Variants in SP7 observed in about 807,000 individuals in gnomAD.
SP7 encodes the protein Sp7 transcription factor, also known as transcription factor Sp7.
Under a neutral mutation model 27.9 loss-of-function variants are expected in SP7, and 13 were observed. The ratio of observed to expected loss-of-function variants is 0.47; its 90% CI spans 0.30 to 0.74. The LOEUF (loss-of-function observed/expected upper bound fraction) is 0.74, where lower values mean the gene tolerates loss of function less well. Ranked by LOEUF, SP7 falls within the 30% of genes least tolerant of loss-of-function variation. The probability of loss-of-function intolerance (pLI) is 0.06; values close to 1 mark genes in which losing one functional copy is unlikely to be tolerated. For synonymous variants in SP7, 219 were observed against 226.7 expected (o/e 0.97, Z 0.31); for missense variants, 525 against 558.0 (o/e 0.94, Z 0.60).
chr12:53,331,517 A>C (rs1592532873), intron 2 of SP7, among the ~76,000 whole-genome samples: 1 of 149,194 alleles, frequency 6.7e-6, no homozygotes, highest in Admixed American at 6.7e-5. Flanking sequence ...CTTAATGCCC[A>C]CCATGCTGCT....
chr12:53,339,466 C>T (rs887430525), upstream of SP7, among the ~76,000 whole-genome samples: 10 of 148,198 alleles, frequency 6.7e-5, no homozygotes, highest in Admixed American at 3.4e-4. Flanking sequence ...TGGCTCACGC[C>T]GGTAATCCCA....
chr12:53,338,134 G>A (rs1455470327), upstream of SP7, among the ~76,000 whole-genome samples: 1 of 150,130 alleles, frequency 6.7e-6, no homozygotes, highest in Non-Finnish European at 1.5e-5. Flanking sequence ...AGGAGGAGGA[G>A]GAGGGTTGTG....
rs1944632238 is a variant in SP7 at position 53,326,644 on chromosome 12, C to A, written c.*1502G>T. On this transcript the variant is annotated 3_prime_UTR_variant, in exon 3 of 3. Transcript: ENST00000536324. ...CACAAAGGGCATGATCCCTTCCATTCCACAATGTTCTCTCCCCAAGCTCCA... is the reference window on the plus strand; with the variant it reads ...CACAAAGGGCATGATCCCTTCCATTACACAATGTTCTCTCCCCAAGCTCCA... 1 of 152,346 alleles carries A rather than the reference C, an allele frequency of 6.6e-6. No individual in the cohort carries two copies. The highest frequency in any genetic ancestry group is 2.1e-4 in the South Asian group (1 of 4,828). The allele number at this position is 152,346 out of a possible 1,614,324, so 9.4% of individuals were successfully genotyped here.
At chr12:53,330,759 G>A (rs189111634) in intron 2 of SP7, among the ~76,000 whole-genome samples, 2 of 152,260 alleles carry the variant, frequency 1.3e-5, no homozygotes, top group African/African-American at 2.4e-5. Flanking sequence ...ATTTCCTGTC[G>A]CTGCTTCAGC....
chr12:53,336,002 C>T, intron 1 of SP7, 144 bp downstream of exon 1: 1 of 309,928 alleles, frequency 3.2e-6, no homozygotes, highest in East Asian at 6.4e-5. Context: ...GAGGGGAGAG[C>T]AGCATGGGCA....
chr12:53,332,204 A>G (rs1018642643), intron 2 of SP7, among the ~76,000 whole-genome samples: 5 of 152,204 alleles, frequency 3.3e-5, no homozygotes, highest in African/African-American at 1.2e-4. Context: ...GCAGATACCC[A>G]GAGATATGGG....
At chr12:53,342,462 C>T (rs1470426395) in intron 1 of SP7, among the ~76,000 whole-genome samples, 1 of 152,170 alleles carries the variant, frequency 6.6e-6, no homozygotes, top group East Asian at 1.9e-4. Flanking sequence ...CAGACTCATC[C>T]CTTCACCTCA....
At position 53,329,409 on chromosome 12, in the gene SP7, G is replaced by A. The variant is rs777343833; in HGVS notation, c.33C>T (p.His11=). ...GCATGGCCAGGGGACTGGAGCCATA[G>A]TGAACTTCCTCCTGTGGAAAGAGGG... MASSLLEEEV[H]YGSSPLAMLT... The change falls in exon 3 of 3, where the codon CAC becomes CAT. Residue 11 remains histidine (H), a synonymous_variant. Coordinates refer to ENST00000536324, the MANE Select transcript of SP7 (RefSeq NM_001173467.3). The A allele has an allele frequency of 6.2e-7, 1 of 1,613,838 alleles. No homozygotes were observed. Among genetic ancestry groups the A allele is most frequent in the Non-Finnish European group, 8.5e-7 (1 of 1,179,734 alleles).
intron 1 of SP7, among the ~76,000 whole-genome samples, chr12:53,343,778 G>T (rs1328069469): frequency 6.6e-6 from 1 of 152,112 alleles, no homozygotes; most frequent in Non-Finnish European, 1.5e-5. Flanking sequence ...GAGGGGGCCA[G>T]CACGGTGGCA....
intron 2 of SP7, among the ~76,000 whole-genome samples, chr12:53,333,269 G>A (rs1461278653): frequency 6.6e-6 from 1 of 152,180 alleles, no homozygotes; most frequent in Non-Finnish European, 1.5e-5. Context: ...CTGATCAAAT[G>A]TGTTCCCTTT....
chr12:53,335,686 G>A lies in SP7; in HGVS notation c.-40C>T. The A allele has an allele frequency of 2.1e-6, 3 of 1,453,574 alleles. No homozygotes were observed. Among genetic ancestry groups the A allele is most frequent in the South Asian group, 2.5e-5 (2 of 80,448 alleles). 90.0% of individuals were successfully genotyped at this position (1,453,574 alleles called of 1,614,324 possible). A position where few individuals can be genotyped will look rare whatever the true frequency, so the allele number is the denominator to read the frequency against. ...ACGGGTCCCAAGGAGCCAGGCAGAT[G>A]GAGAGAGCTGAGCCGGGGGGTGGGG... On this transcript the variant is annotated 5_prime_UTR_variant, in exon 2 of 3. Coordinates refer to ENST00000536324, the MANE Select transcript of SP7 (RefSeq NM_001173467.3).
rs1228424739 is a variant in SP7 at position 53,335,631 on chromosome 12, G to T, written c.16C>A (p.Leu6Ile). Reference sequence around the variant, plus strand: ...GGGGAAGAGGGGACAGTTACCTCAAGCAGGGAGGACGCCATCCTGAGGCTG... The same window carrying T: ...GGGGAAGAGGGGACAGTTACCTCAATCAGGGAGGACGCCATCCTGAGGCTG... The part of the protein sequence containing the change: MASSL[L>I]EEEVHYGSSP... Residue 6 changes from leucine (L) to isoleucine (I), a missense_variant, in exon 2 of 3, where the codon CTT (leucine) becomes ATT (isoleucine). Coordinates refer to ENST00000536324, the MANE Select transcript of SP7 (RefSeq NM_001173467.3). 2 of 1,547,698 alleles carry T rather than the reference G, an allele frequency of 1.3e-6. No individual in the cohort carries two copies.
chr12:53,342,260 TAA>T (rs879718339), intron 1 of SP7, among the ~76,000 whole-genome samples: 1 of 146,260 alleles, frequency 6.8e-6, no homozygotes, highest in African/African-American at 2.5e-5. Context: ...AGACTCCATT[TAA>T]AAAAAAAAAA....
intron 1 of SP7, among the ~76,000 whole-genome samples, chr12:53,341,662 G>T (rs1044513118): frequency 2.6e-5 from 4 of 152,162 alleles, no homozygotes; most frequent in African/African-American, 9.7e-5. Context: ...CCTAAATACA[G>T]GCCTGGTGAG....
At chr12:53,335,519 G>A (rs867689959) in intron 2 of SP7, 107 bp downstream of exon 2, 2 of 731,382 alleles carry the variant, frequency 2.7e-6, no homozygotes, top group Non-Finnish European at 5.0e-6. Flanking sequence ...CCCTGGAATT[G>A]ACAAGCACCA....
rs774108498 is a variant in SP7 at position 53,328,588 on chromosome 12, G to A, written c.854C>T (p.Ala285Val). The A allele has an allele frequency of 2.9e-5, 46 of 1,609,124 alleles. 1 individual carries two copies. The South Asian group carries it at 3.8e-4, about 13-fold the overall frequency. ...GATGGGCTTCTTCCGCAGCCCAGCCGCTGCTGCTCCCAGCCGCTCTAGCTC... is the reference window on the plus strand; with the variant it reads ...GATGGGCTTCTTCCGCAGCCCAGCCACTGCTGCTCCCAGCCGCTCTAGCTC... Reference protein sequence around the residue: ...CQELERLGAAAAGLRKKPIHS... With the variant: ...CQELERLGAAVAGLRKKPIHS... Residue 285 changes from alanine (A) to valine (V), a missense_variant, in exon 3 of 3, where the codon GCG (alanine) becomes GTG (valine). Transcript: ENST00000536324. The surrounding 1 kb of genome is among the most constrained non-coding windows in gnomAD (Gnocchi z 5.1).
chr12:53,328,294 G>A lies in SP7; in HGVS notation c.1148C>T (p.Pro383Leu), dbSNP rs961195607. 10 of 1,610,710 alleles carry A rather than the reference G, an allele frequency of 6.2e-6. No homozygotes were observed. The highest frequency in any genetic ancestry group is 8.5e-6 in the Non-Finnish European group (10 of 1,178,150). Residue 383 changes from proline to leucine, a missense_variant, in exon 3 of 3, where the codon CCC becomes CTC. Pro to Leu is a moderately conservative substitution (Grantham distance 98). Coordinates refer to ENST00000536324, the MANE Select transcript of SP7 (RefSeq NM_001173467.3). This position sits in a 1 kb window ranked among gnomAD's most constrained non-coding sequence, Gnocchi z 5.1. ...QRTHGEPGPG[P>L]PPSGPKELGE... ...CAGCTCCTTGGGGCCACTGGGAGGG[G>A]GACCCGGGCCTGGTTCTCCATGGGT...
rs909789382 is a variant in SP7 at position 53,328,020 on chromosome 12, G to A, written c.*126C>T. ...ACCCAAGCCCAGAATGGCCAGGAGG[G>A]AGACAGAGGGAGAGAGCCCCGAAGG... On this transcript the variant is annotated 3_prime_UTR_variant, in exon 3 of 3. Transcript: ENST00000536324. The surrounding 1 kb of genome is among the most constrained non-coding windows in gnomAD (Gnocchi z 5.1). The A allele has an allele frequency of 1.0e-5, 10 of 987,216 alleles. No homozygotes were observed. The Admixed American group carries it at 2.7e-4, about 26-fold the overall frequency. The allele number at this position is 987,216 out of a possible 1,614,324, so 61.2% of individuals were successfully genotyped here.
chr12:53,334,372 A>T (rs1944742419), intron 2 of SP7, among the ~76,000 whole-genome samples: 2 of 139,124 alleles, frequency 1.4e-5, no homozygotes. Context: ...ACACACACAC[A>T]CACTCTCAGG....
Sources: gnomAD v4.1 joint callset for allele counts (sites outside exome capture counted in the v4.1 genomes callset) on GRCh38, gnomAD v4.1.1 for gene constraint, Gnocchi (gnomAD v3.1) non-coding constraint, MANE v1.5 for transcripts, NCBI Gene and HGNC (gene_info 2026-07-23, HGNC 2026-07-21) for gene names.